ASTN1: variants seen among roughly 807,000 people sequenced by gnomAD.
The protein encoded by ASTN1 is astrotactin-1.
In ASTN1, 41 loss-of-function variants were observed where a neutral mutation model predicts 140.7. That is an observed-to-expected ratio of 0.29 (90% CI 0.23 to 0.38). The LOEUF (loss-of-function observed/expected upper bound fraction) is 0.38. Among genes scored for constraint, ASTN1 ranks in the 10% least tolerant of loss-of-function variants. The pLI, the probability that ASTN1 is intolerant of heterozygous loss-of-function variation, is 1.00. For synonymous variants in ASTN1, 640 were observed against 652.2 expected, an observed-to-expected ratio of 0.98 and a Z score of 0.29; for missense variants, 1,479 against 1,678.8, an observed-to-expected ratio of 0.88 and a Z score of 2.08.
At position 177,104,998 on chromosome 1, in the gene ASTN1, T is replaced by C. The variant is rs563324537; in HGVS notation, c.284-43733A>G. Among the ~76,000 whole-genome samples, 5 of 152,286 alleles carry C rather than the reference T, an allele frequency of 3.3e-5. No homozygotes were observed. In the South Asian group the frequency reaches 1.0e-3, roughly 32 times the overall value. On this transcript the variant is annotated intron_variant, in intron 1 of 22. Coordinates refer to ENST00000361833, the MANE Select transcript of ASTN1 (RefSeq NM_004319.3). Reference sequence around the variant, plus strand: ...GGCATTCCTCTACGACTACTTAGCCTGGCTCACAGAGTTAATAGACAGCGT... The same window carrying C: ...GGCATTCCTCTACGACTACTTAGCCCGGCTCACAGAGTTAATAGACAGCGT...
At chr1:177,098,917 G>A (rs1680173398) in intron 1 of ASTN1, among the ~76,000 whole-genome samples, 1 of 152,148 alleles carries the variant, frequency 6.6e-6, no homozygotes, top group Admixed American at 6.6e-5. Context: ...AAGGAACACA[G>A]ATCATCTTCT....
rs553849839 is a variant in ASTN1 at position 177,125,304 on chromosome 1, G to A, written c.283+39090C>T. The stretch of plus-strand genomic sequence containing the variant: ...AGATTAATTTAGGCAAAAAGCTAGA[G>A]TTCAGAATGAGTATAATGAAATTAA... On this transcript the variant is annotated intron_variant, in intron 1 of 22. Transcript: ENST00000361833. 5.6e-4 allele frequency among the ~76,000 whole-genome samples: 86 copies of A among 152,308 alleles called. 2 individuals carry two copies. In the South Asian group the frequency reaches 0.017, roughly 31 times the overall value.
At chr1:176,876,911 C>T (rs935767975) in intron 20 of ASTN1, among the ~76,000 whole-genome samples, 1 of 152,124 alleles carries the variant, frequency 6.6e-6, no homozygotes, top group African/African-American at 2.4e-5. Flanking sequence ...TTCTCAAAGT[C>T]GGGCCCCCAG....
rs376533414 is a variant in ASTN1, at chr1:176,934,146, A to G, written c.2671+6T>C. 376 of 1,600,406 alleles carry G rather than the reference A, an allele frequency of 2.3e-4. No individual in the cohort carries two copies. The highest frequency in any genetic ancestry group is 1.8e-3 in the Middle Eastern group (11 of 6,018). ...TATGGAATTTGCCAACAAGCATGCC[A>G]CTCACCTTTACTGATGTCTTCATAC... On this transcript the variant is annotated splice_donor_region_variant and intron_variant, in intron 16 of 22. Transcript: ENST00000361833.
Position 176,861,444 on chromosome 1 carries a change from G to C in ASTN1, c.*2840C>G, listed in dbSNP as rs1203282802. On this transcript the variant is annotated 3_prime_UTR_variant, in exon 23 of 23. Coordinates refer to ENST00000361833, the MANE Select transcript of ASTN1 (RefSeq NM_004319.3). ...TCCCTTAAGACCTGTTTGGCAGCTT[G>C]AAAACTCAAGGTTGAATACCGGTCC... 1 of 985,696 alleles carries C rather than the reference G, an allele frequency of 1.0e-6. No individual in the cohort carries two copies. Among genetic ancestry groups the C allele is most frequent in the Non-Finnish European group, 1.2e-6 (1 of 829,940 alleles). The allele number at this position is 985,696 out of a possible 1,614,324, so 61.1% of individuals were successfully genotyped here. A position where few individuals can be genotyped will look rare whatever the true frequency, so the allele number is the denominator to read the frequency against.
Position 176,978,605 on chromosome 1 carries a change from CAGAGG to C in ASTN1, c.1524-13373_1524-13369del, listed in dbSNP as rs768267250. 1.6e-4 allele frequency among the ~76,000 whole-genome samples: 25 copies of C among 152,198 alleles called. 1 individual carries two copies. The highest frequency in any genetic ancestry group is 1.5e-3 in the South Asian group (7 of 4,826). On this transcript the variant is annotated intron_variant, in intron 8 of 22. Coordinates refer to ENST00000361833, the MANE Select transcript of ASTN1 (RefSeq NM_004319.3). ...TGCCATGAATAGAAACAAGTAGTTC[CAGAGG>C]ATGATTTTATGTGTGTGGGGGTAAG...
rs545942365 is a variant in ASTN1 at position 176,871,749 on chromosome 1, A to T, written c.3464-2722T>A. On this transcript the variant is annotated intron_variant, in intron 21 of 22. Transcript: ENST00000361833. ...GAGAGAATTTATTTTGTTAGTCTTCATAGCATCTCAAGAATTCACTAACTT... is the reference window on the plus strand; with the variant it reads ...GAGAGAATTTATTTTGTTAGTCTTCTTAGCATCTCAAGAATTCACTAACTT... 2.0e-5 allele frequency among the ~76,000 whole-genome samples: 3 copies of T among 152,364 alleles called. No individual in the cohort carries two copies. The East Asian group carries it at 5.8e-4, about 29-fold the overall frequency.
At chr1:176,994,349 C>T (rs922374141) in intron 8 of ASTN1, among the ~76,000 whole-genome samples, 1 of 152,048 alleles carries the variant, frequency 6.6e-6, no homozygotes, top group African/African-American at 2.4e-5. Flanking sequence ...TCCCCTCACT[C>T]TTGCTGACTT....
chr1:177,010,029 T>C (rs1168490750), intron 8 of ASTN1, among the ~76,000 whole-genome samples: 1 of 152,148 alleles, frequency 6.6e-6, no homozygotes, highest in Non-Finnish European at 1.5e-5. Context: ...GGCCCTTGGG[T>C]GTACTTTTAA....
rs527890750 is a variant in ASTN1, at chr1:177,044,570, C to T, written c.472-11721G>A. Among the ~76,000 whole-genome samples the T allele has an allele frequency of 2.6e-5, 4 of 152,322 alleles. No homozygotes were observed. The South Asian group carries it at 8.3e-4, about 32-fold the overall frequency. Reference sequence around the variant, plus strand: ...AGTTGGAAATTGAGCGGCAGCTCTTCCCCACCTGCCAGGGAAAGTGACAAA... The same window carrying T: ...AGTTGGAAATTGAGCGGCAGCTCTTTCCCACCTGCCAGGGAAAGTGACAAA... On this transcript the variant is annotated intron_variant, in intron 2 of 22. Transcript: ENST00000361833.
At chr1:177,072,168 C>T (rs1678676502) in intron 1 of ASTN1, among the ~76,000 whole-genome samples, 1 of 152,160 alleles carries the variant, frequency 6.6e-6, no homozygotes, top group Non-Finnish European at 1.5e-5. Context: ...AGCCACTATG[C>T]TTGTATTTCA....
intron 8 of ASTN1, among the ~76,000 whole-genome samples, chr1:176,997,546 ACACAT>A (rs1383581264): frequency 6.6e-6 from 1 of 151,928 alleles, no homozygotes; most frequent in Non-Finnish European, 1.5e-5. Context: ...TCCGAGGAGG[ACACAT>A]CACATCACAG....
chr1:176,887,625 G>A (rs1218367204), intron 18 of ASTN1, among the ~76,000 whole-genome samples: 1 of 152,030 alleles, frequency 6.6e-6, no homozygotes, highest in South Asian at 2.1e-4. Flanking sequence ...GTATCTAACT[G>A]CTCCATACAA....
rs143339305 is a variant in ASTN1, at chr1:176,968,033, G to A, written c.1524-2796C>T. On this transcript the variant is annotated intron_variant, in intron 8 of 22. Coordinates refer to ENST00000361833, the MANE Select transcript of ASTN1 (RefSeq NM_004319.3). ...GCAGGGCACAGTGGTTTCAGGACATGGATTCTGGAGTTAGCCTGCCTATTT... is the reference window on the plus strand; with the variant it reads ...GCAGGGCACAGTGGTTTCAGGACATAGATTCTGGAGTTAGCCTGCCTATTT... Among the ~76,000 whole-genome samples, 744 of 152,300 alleles carry A rather than the reference G, an allele frequency of 4.9e-3. 7 individuals carry two copies. Among genetic ancestry groups the A allele is most frequent in the African/African-American group, 0.017 (705 of 41,568 alleles).
intron 18 of ASTN1, among the ~76,000 whole-genome samples, chr1:176,885,198 G>C (rs1043263081): frequency 6.6e-6 from 1 of 152,104 alleles, no homozygotes; most frequent in Non-Finnish European, 1.5e-5. Context: ...TTTGCTCTTG[G>C]GTTTATATGG....
chr1:176,934,765 C>T (rs1671362306), intron 15 of ASTN1, among the ~76,000 whole-genome samples: 1 of 151,980 alleles, frequency 6.6e-6, no homozygotes. Context: ...AGATAAGTAT[C>T]GCTTCATGAA....
intron 8 of ASTN1, among the ~76,000 whole-genome samples, chr1:176,983,354 A>G (rs905705487): frequency 9.2e-5 from 14 of 152,092 alleles, no homozygotes; most frequent in African/African-American, 3.4e-4. Flanking sequence ...TCCCCCTGAA[A>G]ATTATCACAA....
At position 177,029,630 on chromosome 1, in the gene ASTN1, C is replaced by T. The variant is rs1281070310; in HGVS notation, c.1120+4G>A. ...CCACCTTCTGCCACCTCTATCATTCCTACCTCTACTACGCCTCCTGCTCCT... is the reference window on the plus strand; with the variant it reads ...CCACCTTCTGCCACCTCTATCATTCTTACCTCTACTACGCCTCCTGCTCCT... On this transcript the variant is annotated splice_donor_region_variant and intron_variant, in intron 5 of 22. Coordinates refer to ENST00000361833, the MANE Select transcript of ASTN1 (RefSeq NM_004319.3). The T allele has an allele frequency of 6.2e-7, 1 of 1,613,054 alleles. No homozygotes were observed. Among genetic ancestry groups the T allele is most frequent in the Non-Finnish European group, 8.5e-7 (1 of 1,179,520 alleles).
In ASTN1 at chr1:176,862,999, C is replaced by G; in HGVS notation, c.*1285G>C. On this transcript the variant is annotated 3_prime_UTR_variant, in exon 23 of 23. Transcript: ENST00000361833. The stretch of plus-strand genomic sequence containing the variant: ...TGGGACAGCTAAGGCCATTGCTAGT[C>G]AACAGGGCCTTGCCAGGCTCTTTCT... The G allele has an allele frequency of 6.1e-6, 6 of 985,448 alleles. No homozygotes were observed. The highest frequency in any genetic ancestry group is 7.2e-6 in the Non-Finnish European group (6 of 829,942). 61.0% of individuals were successfully genotyped at this position (985,448 alleles called of 1,614,324 possible). A position where few individuals can be genotyped will look rare whatever the true frequency, so the allele number is the denominator to read the frequency against.
Sources: allele counts gnomAD v4.1 joint callset (sites outside exome capture counted in the v4.1 genomes callset), GRCh38; gene constraint gnomAD v4.1.1; transcripts MANE v1.5; gene names NCBI Gene and HGNC (gene_info 2026-07-23, HGNC 2026-07-21).